The following PRR12 variants were observed in gnomAD, a reference collection of about 807,000 sequenced individuals.
PRR12 encodes proline rich 12.
In PRR12, 12 loss-of-function variants were observed where a neutral mutation model predicts 138.0. The observed-to-expected ratio is 0.09, with a 90% CI of 0.06 to 0.14. The LOEUF (loss-of-function observed/expected upper bound fraction) is 0.14. Ranked by LOEUF, PRR12 falls within the 10% of genes least tolerant of loss-of-function variation. The pLI is 1.00. For missense variants in PRR12, 2,692 were observed against 2,861.3 expected, an observed-to-expected ratio of 0.94 and a Z score of 1.35; for synonymous variants, 1,567 against 1,291.7, an observed-to-expected ratio of 1.21 and a Z score of -4.57.
intron 6 of PRR12, among the ~76,000 whole-genome samples, chr19:49,609,134 C>T (rs148608672): frequency 0.02 from 3,064 of 152,060 alleles, 44 homozygotes; most frequent in Middle Eastern, 0.031. Context: ...GTCAACATGG[C>T]GAAATCCTGT....
At chr19:49,598,189 T>C (rs2080788577) in intron 4 of PRR12, among the ~76,000 whole-genome samples, 176 bp downstream of exon 4, 1 of 151,608 alleles carries the variant, frequency 6.6e-6, no homozygotes, top group South Asian at 2.1e-4. Flanking sequence ...TTCTCCTGCC[T>C]CAGCCTCCCG....
At chr19:49,592,631 G>A (rs779353789) in intron 1 of PRR12, among the ~76,000 whole-genome samples, 1 of 152,084 alleles carries the variant, frequency 6.6e-6, no homozygotes, top group South Asian at 2.1e-4. Context: ...TTCCGTGTGG[G>A]ATTCCTCCGT....
intron 6 of PRR12, among the ~76,000 whole-genome samples, chr19:49,612,835 T>C (rs914974704): frequency 2.6e-5 from 4 of 151,866 alleles, no homozygotes; most frequent in Non-Finnish European, 5.9e-5. Flanking sequence ...TGGCTAATTT[T>C]TGTATTTTAG....
intron 6 of PRR12, among the ~76,000 whole-genome samples, chr19:49,602,324 T>C (rs2080816815): frequency 6.6e-6 from 1 of 152,132 alleles, no homozygotes; most frequent in Non-Finnish European, 1.5e-5. Context: ...GCGGGCTGCT[T>C]TGCCATTTAT....
Position 49,616,275 on chromosome 19 carries a change from G to A in PRR12, c.5497+56G>A. The A allele has an allele frequency of 7.0e-7, 1 of 1,432,618 alleles. No homozygotes were observed. Among genetic ancestry groups the A allele is most frequent in the African/African-American group, 1.4e-5 (1 of 69,626 alleles). 88.7% of individuals were successfully genotyped at this position (1,432,618 alleles called of 1,614,324 possible). On this transcript the variant is annotated intron_variant, in intron 9 of 13. Transcript: ENST00000418929. The surrounding 1 kb of genome is among the most constrained non-coding windows in gnomAD (Gnocchi z 4.2). ...GGGTGGGTGGGGAAGGGACACAGGT[G>A]AGGGCTGTCCAGAGGGCTCCAGGTA...
rs1166017622 is a variant in PRR12, at chr19:49,599,321, G to A, written c.3728G>A (p.Gly1243Asp). Residue 1243 changes from glycine to aspartate, a missense_variant, in exon 5 of 14, where the codon GGT (glycine) becomes GAT (aspartate). Gly to Asp is a moderately conservative substitution (Grantham distance 94). Coordinates refer to ENST00000418929, the MANE Select transcript of PRR12 (RefSeq NM_020719.3). This position sits in a 1 kb window ranked among gnomAD's most constrained non-coding sequence, Gnocchi z 5.0. ...KAGEGLGTSS[G>D]DAISGTDHNS... Reference sequence around the variant, plus strand: ...GGCGAGGGTCTGGGAACCTCATCGGGTGATGCCATATCAGGCACTGACCAC... The same window carrying A: ...GGCGAGGGTCTGGGAACCTCATCGGATGATGCCATATCAGGCACTGACCAC... 3.7e-6 allele frequency: 6 copies of A among 1,612,926 alleles called. No homozygotes were observed. In the African/African-American group the frequency reaches 8.0e-5, roughly 22 times the overall value.
At chr19:49,619,724 T>A (rs1172685286) in intron 9 of PRR12, among the ~76,000 whole-genome samples, 1 of 150,578 alleles carries the variant, frequency 6.6e-6, no homozygotes, top group Non-Finnish European at 1.5e-5. Flanking sequence ...TATTTCTTAG[T>A]AGAGACGGGG....
chr19:49,616,303 C>T lies in PRR12; in HGVS notation c.5497+84C>T. ...GGCTGTCCAGAGGGCTCCAGGTAGC[C>T]TTGGCAGGACAGTAAGAACCAGTAT... is the stretch of plus-strand genomic sequence containing the variant. On this transcript the variant is annotated intron_variant, in intron 9 of 13. Transcript: ENST00000418929. This position sits in a 1 kb window ranked among gnomAD's most constrained non-coding sequence, Gnocchi z 4.2. 4 of 1,231,656 alleles carry T rather than the reference C, an allele frequency of 3.2e-6. No individual in the cohort carries two copies. The highest frequency in any genetic ancestry group is 3.3e-6 in the Non-Finnish European group (3 of 905,756). 76.3% of individuals were successfully genotyped at this position (1,231,656 alleles called of 1,614,324 possible).
intron 11 of PRR12, among the ~76,000 whole-genome samples, chr19:49,622,024 G>A (rs2080926051): frequency 6.6e-6 from 1 of 152,208 alleles, no homozygotes; most frequent in African/African-American, 2.4e-5. Context: ...GATATTCTGG[G>A]ATGGAATATC....
chr19:49,608,035 A>G (rs752895792), intron 6 of PRR12, among the ~76,000 whole-genome samples: 1 of 152,164 alleles, frequency 6.6e-6, no homozygotes, highest in Non-Finnish European at 1.5e-5. Context: ...AAGTAAAAGA[A>G]AAACTGTTAA....
At chr19:49,609,366 C>CA (rs2080854027) in intron 6 of PRR12, among the ~76,000 whole-genome samples, 1 of 151,940 alleles carries the variant, frequency 6.6e-6, no homozygotes. Context: ...TTTCGGAGGT[C>CA]AAGGTGGGTG....
At chr19:49,600,241 T>G (rs1294946948) in intron 5 of PRR12, among the ~76,000 whole-genome samples, 1 of 148,046 alleles carries the variant, frequency 6.8e-6, no homozygotes, top group Admixed American at 6.8e-5. Context: ...TTCTGAATGG[T>G]GGGAGGTGTG....
At chr19:49,611,093 C>T (rs112205523) in intron 6 of PRR12, among the ~76,000 whole-genome samples, 49,595 of 151,186 alleles carry the variant, frequency 0.33, 8,327 homozygotes, top group Middle Eastern at 0.43. Flanking sequence ...CCATCTGCCT[C>T]GGCCTTCCAA....
chr19:49,620,440 T>G lies in PRR12; in HGVS notation c.5586T>G (p.Leu1862=). The G allele has an allele frequency of 6.3e-7, 1 of 1,588,310 alleles. No homozygotes were observed. Among genetic ancestry groups the G allele is most frequent in the Non-Finnish European group, 8.6e-7 (1 of 1,167,500 alleles). The change falls in exon 10 of 14, where the codon CTT becomes CTG. Residue 1862 remains leucine (L), a synonymous_variant. Transcript: ENST00000418929. ...TGGAGATGTTGGTGAGCACAGCACT[T>G]GACCCAGACATGATCCAGGCCCTGG... ...SYVEMLVSTA[L]DPDMIQALED...
chr19:49,593,214 C>G, intron 1 of PRR12, 113 bp from the exon 2 acceptor site: 10 of 568,474 alleles, frequency 1.8e-5, no homozygotes, highest in East Asian at 6.7e-5. Flanking sequence ...TAGCTTAACA[C>G]CCCCCACCCC....
rs946594771 is a variant in PRR12, at chr19:49,597,243, G to A, written c.2908G>A (p.Asp970Asn). The A allele has an allele frequency of 5.7e-6, 9 of 1,571,052 alleles. No individual in the cohort carries two copies. The Admixed American group carries it at 1.3e-4, about 23-fold the overall frequency. The stretch of plus-strand genomic sequence containing the variant: ...CTACGGCAAGGCCGGGCCACCTGAG[G>A]ACGAGGGGGACCCCAAGGCTGGCGC... ...DDYGKAGPPE[D>N]EGDPKAGAGP... is the part of the protein sequence containing the mutation. Residue 970 changes from aspartate (D) to asparagine (N), a missense_variant, in exon 4 of 14, where the codon GAC becomes AAC. Asp to Asn is a conservative substitution (Grantham distance 23). Transcript: ENST00000418929. The surrounding 1 kb of genome is among the most constrained non-coding windows in gnomAD (Gnocchi z 6.3).
intron 11 of PRR12, among the ~76,000 whole-genome samples, chr19:49,624,207 G>A (rs1411227031): frequency 1.3e-5 from 2 of 151,126 alleles, no homozygotes; most frequent in African/African-American, 4.9e-5. Context: ...TAGGTGGTTA[G>A]GATGAGACTG....
rs1166810572 is a variant in PRR12, at chr19:49,601,520, C to A, written c.4375C>A (p.Pro1459Thr). The A allele has an allele frequency of 6.5e-7, 1 of 1,527,258 alleles. No homozygotes were observed. The highest frequency in any genetic ancestry group is 8.9e-7 in the Non-Finnish European group (1 of 1,128,940). The allele number at this position is 1,527,258 out of a possible 1,614,324, so 94.6% of individuals were successfully genotyped here. A position where few individuals can be genotyped will look rare whatever the true frequency, so the allele number is the denominator to read the frequency against. Residue 1459 changes from proline (P) to threonine (T), a missense_variant, in exon 6 of 14, where the codon CCC (proline) becomes ACC (threonine). This residue lies in a region of PRR12 where 231 missense variants were observed against 200.8 expected (regional missense o/e 1.15). Transcript: ENST00000418929. ...EPPLLEEKPP[P>T]TPPPAPTPQP... Reference sequence around the variant, plus strand: ...CCCGCTGCTGGAGGAGAAACCCCCACCCACTCCACCTCCTGCCCCGACTCC... The same window carrying A: ...CCCGCTGCTGGAGGAGAAACCCCCAACCACTCCACCTCCTGCCCCGACTCC...
chr19:49,597,383 T>C lies in PRR12; in HGVS notation c.3048T>C (p.Pro1016=). The C allele has an allele frequency of 1.3e-6, 2 of 1,537,652 alleles. No homozygotes were observed. Among genetic ancestry groups the C allele is most frequent in the South Asian group, 2.4e-5 (2 of 84,016 alleles). Residue 1016 remains proline (P), a synonymous_variant, in exon 4 of 14, where the codon CCT becomes CCC. Coordinates refer to ENST00000418929, the MANE Select transcript of PRR12 (RefSeq NM_020719.3). The surrounding 1 kb of genome is among the most constrained non-coding windows in gnomAD (Gnocchi z 6.3). ...TGGGCCTGGACCCCAACAAACCGCC[T>C]GAACTGCCCTCCACGGTCAACGCCG... The part of the protein sequence containing the change: ...PGLGLDPNKP[P]ELPSTVNAEP...
Sources: gnomAD v4.1 joint callset for allele counts (sites outside exome capture counted in the v4.1 genomes callset) on GRCh38, gnomAD v4.1.1 for gene constraint, gnomAD v4.1.1 regional missense constraint, Gnocchi (gnomAD v3.1) non-coding constraint, MANE v1.5 for transcripts, NCBI Gene and HGNC (gene_info 2026-07-23, HGNC 2026-07-21) for gene names.